Variants in LARP4B observed in about 807,000 individuals in gnomAD.
LARP4B encodes the protein la-related protein 4B.
A neutral mutation model predicts 89.8 loss-of-function variants in LARP4B; 12 were observed. The ratio of observed to expected loss-of-function variants is 0.13; its 90% CI spans 0.09 to 0.22. The LOEUF (loss-of-function observed/expected upper bound fraction) is 0.22. Among genes scored for constraint, LARP4B ranks in the 10% least tolerant of loss-of-function variants. The probability of loss-of-function intolerance (pLI) is 1.00; values close to 1 mark genes in which losing one functional copy is unlikely to be tolerated. For missense variants in LARP4B, 757 were observed against 947.7 expected, an observed-to-expected ratio of 0.80 and a Z score of 2.64; for synonymous variants, 367 against 363.3, an observed-to-expected ratio of 1.01 and a Z score of -0.12.
chr10:836,790 G>C (rs1325123304), intron 7 of LARP4B, among the ~76,000 whole-genome samples: 6 of 152,310 alleles, frequency 3.9e-5, no homozygotes, highest in African/African-American at 1.4e-4. Flanking sequence ...CTTTCCACCA[G>C]TACCTAAAGT....
At chr10:930,755 G>A (rs894025866) in intron 1 of LARP4B, among the ~76,000 whole-genome samples, 2 of 152,134 alleles carry the variant, frequency 1.3e-5, no homozygotes, top group Non-Finnish European at 2.9e-5. Context: ...CTATCAACAG[G>A]AAAACAGGAG....
intron 1 of LARP4B, among the ~76,000 whole-genome samples, chr10:889,122 C>G (rs952355683): frequency 2.0e-5 from 3 of 151,748 alleles, no homozygotes; most frequent in Non-Finnish European, 2.9e-5. Context: ...AATATTCCTA[C>G]CACCAAGTAG....
chr10:862,256 T>TTAAAA (rs774427840), intron 5 of LARP4B, among the ~76,000 whole-genome samples: 4 of 84,396 alleles, frequency 4.7e-5, no homozygotes, highest in African/African-American at 2.1e-4. Context: ...CCACTGAAGT[T>TTAAAA]AAAAAAAAAA....
At chr10:828,783 T>C (rs548319245) in intron 11 of LARP4B, among the ~76,000 whole-genome samples, 1 of 152,348 alleles carries the variant, frequency 6.6e-6, no homozygotes, top group East Asian at 1.9e-4. Flanking sequence ...ATCCGTGTAT[T>C]GCTGACTCTC....
intron 5 of LARP4B, among the ~76,000 whole-genome samples, chr10:855,667 T>C (rs1834264638): frequency 6.6e-6 from 1 of 152,186 alleles, no homozygotes; most frequent in Admixed American, 6.5e-5. Context: ...GCTTAAAATA[T>C]TGTGAGAATT....
downstream of LARP4B, chr10:807,987 A>G (rs551456724): frequency 6.6e-6 from 1 of 152,402 alleles, no homozygotes; most frequent in South Asian, 2.1e-4. Flanking sequence ...GTTCAATCCA[A>G]TGCTTTAGAG....
chr10:842,715 T>C (rs1424837728), intron 7 of LARP4B, among the ~76,000 whole-genome samples: 1 of 152,216 alleles, frequency 6.6e-6, no homozygotes, highest in Non-Finnish European at 1.5e-5. Flanking sequence ...CCAAAACTTG[T>C]TTGAGGTTTC....
intron 3 of LARP4B, among the ~76,000 whole-genome samples, chr10:879,736 G>T (rs1588957247): frequency 6.6e-6 from 1 of 152,054 alleles, no homozygotes; most frequent in Non-Finnish European, 1.5e-5. Context: ...CAAAGTGCTG[G>T]GATTTATAGG....
At chr10:930,007 T>C (rs1436604459) in intron 1 of LARP4B, among the ~76,000 whole-genome samples, 5 of 151,812 alleles carry the variant, frequency 3.3e-5, no homozygotes, top group Non-Finnish European at 5.9e-5. Flanking sequence ...GAGAAAAAAC[T>C]GAAAAGCCAC....
At chr10:976,845 G>A in the LARP4B span, among the ~76,000 whole-genome samples, 1,377 of 148,010 alleles carry the variant, frequency 9.3e-3, 24 homozygotes, top group African/African-American at 0.033. Context: ...CATGTAACGT[G>A]TGGACCCGGC....
intron 7 of LARP4B, among the ~76,000 whole-genome samples, chr10:838,493 C>T (rs1396954766): frequency 2.0e-5 from 3 of 152,066 alleles, no homozygotes; most frequent in Admixed American, 6.5e-5. Context: ...TTACAGAGGG[C>T]GAATCTACAT....
intron 1 of LARP4B, among the ~76,000 whole-genome samples, chr10:900,476 C>G (rs1836310889): frequency 1.3e-5 from 1 of 76,548 alleles, no homozygotes; most frequent in Non-Finnish European, 2.3e-5. Flanking sequence ...CACTTTTTCA[C>G]CCATGCTGGA....
At chr10:852,098 GGAAAGAA>G (rs1304831062) in intron 5 of LARP4B, among the ~76,000 whole-genome samples, 1 of 151,204 alleles carries the variant, frequency 6.6e-6, no homozygotes, top group Non-Finnish European at 1.5e-5. Context: ...AAGTAAGAAA[GGAAAGAA>G]GAAAAAAGGA....
chr10:894,207 T>C (rs1444074663), intron 1 of LARP4B, among the ~76,000 whole-genome samples: 1 of 152,214 alleles, frequency 6.6e-6, no homozygotes, highest in Non-Finnish European at 1.5e-5. Flanking sequence ...GGCATTTTAT[T>C]TTTGACATGA....
At chr10:938,400 A>G in the LARP4B span, among the ~76,000 whole-genome samples, 4 of 151,964 alleles carry the variant, frequency 2.6e-5, no homozygotes, top group East Asian at 1.9e-4. Context: ...ACAGGTGCCC[A>G]ACACCACGCC....
At chr10:981,491 C>A in the LARP4B span, among the ~76,000 whole-genome samples, 1 of 152,168 alleles carries the variant, frequency 6.6e-6, no homozygotes, top group South Asian at 2.1e-4. Context: ...GGAAAAATAT[C>A]CAAACTATAT....
chr10:821,270 C>T (rs997021994), intron 13 of LARP4B, among the ~76,000 whole-genome samples: 1 of 152,154 alleles, frequency 6.6e-6, no homozygotes, highest in Non-Finnish European at 1.5e-5. Context: ...TTTAAAAGAC[C>T]CCAAATACCG....
intron 5 of LARP4B, among the ~76,000 whole-genome samples, chr10:858,199 C>T (rs1834405325): frequency 6.6e-6 from 1 of 152,190 alleles, no homozygotes; most frequent in African/African-American, 2.4e-5. Context: ...GCCTATTAGA[C>T]ACACAGCCCA....
intron 1 of LARP4B, among the ~76,000 whole-genome samples, chr10:906,042 T>A (rs186969026): frequency 1.5e-4 from 23 of 152,368 alleles, no homozygotes; most frequent in African/African-American, 5.5e-4. Flanking sequence ...TAAAGATGAA[T>A]ACATAAATCT....
Sources: gnomAD v4.1 joint callset for allele counts (sites outside exome capture counted in the v4.1 genomes callset) on GRCh38, gnomAD v4.1.1 for gene constraint, MANE v1.5 for transcripts, NCBI Gene and HGNC (gene_info 2026-07-23, HGNC 2026-07-21) for gene names.